The following SLC7A13 variants were observed in gnomAD, a reference collection of about 807,000 sequenced individuals.
The protein encoded by SLC7A13 is X-amino acid transporter 2.
In SLC7A13, 31 loss-of-function variants were observed where a neutral mutation model predicts 32.0. The ratio of observed to expected loss-of-function variants is 0.97; its 90% CI spans 0.73 to 1.31. SLC7A13 has a LOEUF of 1.31. SLC7A13 is among the 50% of genes most tolerant of loss of function. SLC7A13 has a pLI of 0.00. For missense variants in SLC7A13, 633 were observed against 546.9 expected, an observed-to-expected ratio of 1.16 and a Z score of -1.57; for synonymous variants, 232 against 206.9, an observed-to-expected ratio of 1.12 and a Z score of -1.04.
chr8:86,223,158 A>G, intron 1 of SLC7A13, 55 bp from the exon 2 acceptor site: 3 of 1,468,562 alleles, frequency 2.0e-6, no homozygotes, highest in African/African-American at 1.4e-5. Flanking sequence ...TCTAAAATTC[A>G]TTATTTTTAG....
chr8:86,223,197 A>G, intron 1 of SLC7A13, 94 bp from the exon 2 acceptor site: 1 of 1,244,184 alleles, frequency 8.0e-7, no homozygotes, highest in Non-Finnish European at 1.1e-6. Flanking sequence ...GTATAAATTA[A>G]TGGGGTACAA....
In SLC7A13 at chr8:86,224,236, G is replaced by C. The variant is rs182451336; in HGVS notation, c.686-1133C>G. On this transcript the variant is annotated intron_variant, in intron 1 of 3. Transcript: ENST00000297524. ...CTGTGTTTTATATATAGACTGACTG[G>C]CCTTTGCAGTTCCTCAACAATGTCC... Among the ~76,000 whole-genome samples the C allele has an allele frequency of 1.1e-3, 162 of 152,206 alleles. 1 individual carries two copies. The highest frequency in any genetic ancestry group is 3.7e-3 in the African/African-American group (153 of 41,536).
chr8:86,218,477 T>G (rs1820232563), intron 2 of SLC7A13, among the ~76,000 whole-genome samples: 1 of 152,100 alleles, frequency 6.6e-6, no homozygotes, highest in African/African-American at 2.4e-5. Context: ...TCTGGAGACT[T>G]TTTTGGCTGT....
At chr8:86,225,805 C>T (rs1343533077) in intron 1 of SLC7A13, among the ~76,000 whole-genome samples, 1 of 152,002 alleles carries the variant, frequency 6.6e-6, no homozygotes, top group Non-Finnish European at 1.5e-5. Context: ...ATGGTGAGTG[C>T]CTGTAGTCGC....
intron 3 of SLC7A13, among the ~76,000 whole-genome samples, chr8:86,216,374 G>A (rs551008231): frequency 1.3e-4 from 20 of 152,274 alleles, no homozygotes; most frequent in African/African-American, 2.6e-4. Context: ...GGTAGCAATC[G>A]TCACACCGTG....
At chr8:86,226,820 G>A (rs186064734) in intron 1 of SLC7A13, among the ~76,000 whole-genome samples, 3 of 152,088 alleles carry the variant, frequency 2.0e-5, no homozygotes, top group East Asian at 1.9e-4. Flanking sequence ...TATTCTCCAC[G>A]GCTTCACTCA....
chr8:86,215,496 G>A (rs112143475), intron 3 of SLC7A13: 36,338 of 282,062 alleles, frequency 0.13, 2,603 homozygotes, highest in Non-Finnish European at 0.15. Flanking sequence ...GATCAGCCTG[G>A]GCAACATGGT....
chr8:86,222,449 A>G (rs1454767678), intron 2 of SLC7A13, among the ~76,000 whole-genome samples: 1 of 152,102 alleles, frequency 6.6e-6, no homozygotes, highest in African/African-American at 2.4e-5. Flanking sequence ...TCAGATTTCC[A>G]ATATGTTCAG....
At position 86,214,646 on chromosome 8, in the gene SLC7A13, C is replaced by T. The variant is rs1286347778; in HGVS notation, c.1180G>A (p.Val394Met). 1 of 1,598,682 alleles carries T rather than the reference C, an allele frequency of 6.3e-7. No homozygotes were observed. The highest frequency in any genetic ancestry group is 1.7e-4 in the Middle Eastern group (1 of 5,974). ...GTTGCTAATGGAAATGACAAAAACA[C>T]CTGAAAAGAGCAAAGTTTGAAAAAA... is the stretch of plus-strand genomic sequence containing the variant. ...QEPNLSIPYKVFLSFPLATIV... is the reference protein window; with the variant it reads ...QEPNLSIPYKMFLSFPLATIV... The change falls in exon 4 of 4, where the codon GTG becomes ATG. Residue 394 changes from valine (V) to methionine (M), a missense_variant and splice_region_variant. Transcript: ENST00000297524.
chr8:86,229,310 A>G (rs760529052), intron 1 of SLC7A13, among the ~76,000 whole-genome samples: 5 of 152,302 alleles, frequency 3.3e-5, no homozygotes, highest in African/African-American at 1.2e-4. Context: ...GCATTCATCC[A>G]TTAACAGAAA....
At chr8:86,220,035 A>T (rs1820267091) in intron 2 of SLC7A13, among the ~76,000 whole-genome samples, 1 of 152,118 alleles carries the variant, frequency 6.6e-6, no homozygotes, top group African/African-American at 2.4e-5. Flanking sequence ...TTCTTTTATT[A>T]TTAATTAATT....
At chr8:86,217,336 G>T in intron 3 of SLC7A13, 134 bp downstream of exon 3, 1 of 831,032 alleles carries the variant, frequency 1.2e-6, no homozygotes, top group Non-Finnish European at 1.7e-6. Context: ...ACCAAGACTA[G>T]ATTATTCTCA....
At chr8:86,228,491 C>A (rs1586151131) in intron 1 of SLC7A13, among the ~76,000 whole-genome samples, 1 of 152,152 alleles carries the variant, frequency 6.6e-6, no homozygotes, top group East Asian at 1.9e-4. Flanking sequence ...CCTCCCACCT[C>A]AGCCTCTTAG....
At position 86,217,674 on chromosome 8, in the gene SLC7A13, C is replaced by A. The variant is rs568495034; in HGVS notation, c.975G>T (p.Leu325Phe). ...AGTGACTATTAAGTGTATTAAATAG[C>A]AAAGGCAGCTGGCCCTCTTGGCTTG... ...YLASQEGQLP[L>F]LFNTLNSHSS... is the part of the protein sequence containing the mutation. The change falls in exon 3 of 4, where the codon TTG becomes TTT. Residue 325 changes from leucine to phenylalanine, a missense_variant. By Grantham distance (22) the Leu-to-Phe change is conservative. Coordinates refer to ENST00000297524, the MANE Select transcript of SLC7A13 (RefSeq NM_138817.3). 1 of 1,613,344 alleles carries A rather than the reference C, an allele frequency of 6.2e-7. No homozygotes were observed. Among genetic ancestry groups the A allele is most frequent in the African/African-American group, 1.3e-5 (1 of 74,956 alleles).
intron 2 of SLC7A13, among the ~76,000 whole-genome samples, chr8:86,220,397 A>G (rs1333058886): frequency 1.3e-5 from 2 of 152,126 alleles, no homozygotes; most frequent in Non-Finnish European, 2.9e-5. Flanking sequence ...TGTGAAACTT[A>G]TTCATAATAA....
rs149308101 is a variant in SLC7A13 at position 86,228,567 on chromosome 8, C to A, written c.685+1026G>T. On this transcript the variant is annotated intron_variant, in intron 1 of 3. Transcript: ENST00000297524. ...TTTTTAAGAAATCTGAGGAGGTGGGCAGGTGCAGTGGCTCACGCTTGTAAT... is the reference window on the plus strand; with the variant it reads ...TTTTTAAGAAATCTGAGGAGGTGGGAAGGTGCAGTGGCTCACGCTTGTAAT... Among the ~76,000 whole-genome samples the A allele has an allele frequency of 5.0e-3, 754 of 152,098 alleles. 6 individuals carry two copies. Among genetic ancestry groups the A allele is most frequent in the African/African-American group, 0.017 (689 of 41,478 alleles).
In SLC7A13 at chr8:86,217,774, G is replaced by C; in HGVS notation, c.875C>G (p.Pro292Arg). ...RAFPSLAWIM[P>R]FAISTSLFSN... ...AAATAATGAGGTAGAAATAGCAAAA[G>C]GCATAATCCATGCTAATGAGGGAAA... Residue 292 changes from proline to arginine, a missense_variant, in exon 3 of 4, where the codon CCT becomes CGT. Coordinates refer to ENST00000297524, the MANE Select transcript of SLC7A13 (RefSeq NM_138817.3). 1 of 1,611,794 alleles carries C rather than the reference G, an allele frequency of 6.2e-7. No individual in the cohort carries two copies. The highest frequency in any genetic ancestry group is 8.5e-7 in the Non-Finnish European group (1 of 1,179,040).
In SLC7A13 at chr8:86,214,172, C is replaced by A; in HGVS notation, c.*241G>T. ...GAAGTTGTATAATCACTCTATCAAG[C>A]TACGCAAACCAGGACTTAAGTTTTT... is the stretch of plus-strand genomic sequence containing the variant. On this transcript the variant is annotated 3_prime_UTR_variant, in exon 4 of 4. Transcript: ENST00000297524. 3.0e-6 allele frequency: 1 copy of A among 331,706 alleles called. No homozygotes were observed. Among genetic ancestry groups the A allele is most frequent in the East Asian group, 5.0e-5 (1 of 20,186 alleles). 20.5% of individuals were successfully genotyped at this position (331,706 alleles called of 1,614,324 possible).
chr8:86,217,504 C>G lies in SLC7A13; in HGVS notation c.1145G>C (p.Arg382Thr). The change falls in exon 3 of 4, where the codon AGA becomes ACA. Residue 382 changes from arginine (R) to threonine (T), a missense_variant. Transcript: ENST00000297524. ...TATAGATAGATTGGGTTCCTGGTAT[C>G]TCCGCCTTAGTATTCCTATCATTAA... ...ILLMIGILRR[R>T]YQEPNLSIPY... The G allele has an allele frequency of 6.3e-7, 1 of 1,594,904 alleles. No homozygotes were observed. Among genetic ancestry groups the G allele is most frequent in the Non-Finnish European group, 8.5e-7 (1 of 1,173,598 alleles).
Sources: allele counts gnomAD v4.1 joint callset (sites outside exome capture counted in the v4.1 genomes callset), GRCh38; gene constraint gnomAD v4.1.1; transcripts MANE v1.5; gene names NCBI Gene and HGNC (gene_info 2026-07-23, HGNC 2026-07-21).